FBN2: variants seen among roughly 807,000 people sequenced by gnomAD.
FBN2 encodes the protein fibrillin-2.
FBN2 carries 105 observed loss-of-function variants against 355.6 expected under a neutral mutation model. That is an observed-to-expected ratio of 0.30 (90% confidence interval 0.25 to 0.35). The LOEUF is 0.35. FBN2 is among the 10% of genes least tolerant of loss of function. The pLI, the probability that FBN2 is intolerant of heterozygous loss-of-function variation, is 1.00. For synonymous variants in FBN2, 1,350 were observed against 1,301.2 expected (o/e 1.04, Z -0.81); for missense variants, 3,280 against 3,758.7 (o/e 0.87, Z 3.33).
At chr5:128,465,718 T>A (rs1326376134) in intron 5 of FBN2, among the ~76,000 whole-genome samples, 1 of 152,228 alleles carries the variant, frequency 6.6e-6, no homozygotes, top group Non-Finnish European at 1.5e-5. Flanking sequence ...TGTCCAGCTC[T>A]GTTATGGTGA....
At chr5:128,400,737 A>G (rs544851217) in intron 8 of FBN2, among the ~76,000 whole-genome samples, 115 of 152,332 alleles carry the variant, frequency 7.5e-4, no homozygotes, top group African/African-American at 2.7e-3. Flanking sequence ...AAAACATCCT[A>G]TACTTCTAAA....
chr5:128,430,670 C>A (rs530668886), intron 7 of FBN2, among the ~76,000 whole-genome samples: 2 of 151,904 alleles, frequency 1.3e-5, no homozygotes, highest in African/African-American at 2.4e-5. Context: ...ATGGTGAAAC[C>A]CTGTCTCTAC....
intron 23 of FBN2, among the ~76,000 whole-genome samples, chr5:128,349,081 A>G (rs548124794): frequency 1.1e-4 from 16 of 152,350 alleles, no homozygotes; most frequent in African/African-American, 3.8e-4. Flanking sequence ...AGTGTGAAAG[A>G]CTGAACCTGT....
intron 5 of FBN2, among the ~76,000 whole-genome samples, chr5:128,488,638 C>T (rs1016273942): frequency 1.3e-5 from 2 of 151,806 alleles, no homozygotes; most frequent in African/African-American, 2.4e-5. Context: ...TCTCCTAATG[C>T]TATCCCTCCC....
rs28763926 is a variant in FBN2, at chr5:128,278,799, A to G, written c.7181T>C (p.Ile2394Thr). The G allele has an allele frequency of 4.0e-3, 6,491 of 1,613,968 alleles. 17 individuals are homozygous for G. The highest frequency in any genetic ancestry group is 5.2e-3 in the Non-Finnish European group (6,133 of 1,179,966). The change falls in exon 57 of 65, where the codon ATA (isoleucine) becomes ACA (threonine). Residue 2394 changes from isoleucine to threonine, a missense_variant. Physicochemically the swap from Ile to Thr is moderately conservative, Grantham distance 89. Transcript: ENST00000262464. ...GLCFAEVLQTICQMASSSRNL... is the reference protein window; with the variant it reads ...GLCFAEVLQTTCQMASSSRNL... ...GCGACTACTGGATGCCATTTGACAT[A>G]TTGTCTGCAGTACCTCTGCAAAGCA...
At chr5:128,330,873 T>G in intron 32 of FBN2, among the ~76,000 whole-genome samples, 178 bp from the exon 33 acceptor site, 1 of 152,148 alleles carries the variant, frequency 6.6e-6, no homozygotes, top group South Asian at 2.1e-4. Context: ...AGGCTATAAA[T>G]GTGGGCCAAA....
chr5:128,383,196 A>G (rs1459874462), intron 11 of FBN2, among the ~76,000 whole-genome samples: 1 of 152,154 alleles, frequency 6.6e-6, no homozygotes, highest in Non-Finnish European at 1.5e-5. Context: ...AACAGACCCA[A>G]TATATACGAG....
In FBN2 at chr5:128,501,156, C is replaced by T. The variant is rs77798944; in HGVS notation, c.628+18117G>A. On this transcript the variant is annotated intron_variant, in intron 5 of 64. Transcript: ENST00000262464. ...AGCAATGGTGCATCAGGTCCTGTAG[C>T]TGAAATGGGAGCAATCATTCAAATT... Among the ~76,000 whole-genome samples the T allele has an allele frequency of 6.5e-4, 99 of 152,296 alleles. No individual in the cohort carries two copies. In the East Asian group the frequency reaches 0.019, roughly 28 times the overall value.
intron 44 of FBN2, among the ~76,000 whole-genome samples, 186 bp downstream of exon 44, chr5:128,305,325 G>T (rs1295250782): frequency 6.6e-6 from 1 of 151,930 alleles, no homozygotes; most frequent in Non-Finnish European, 1.5e-5. Context: ...TCCAATCCTG[G>T]GGAAATCCAT....
At chr5:128,495,872 C>A (rs1054628180) in intron 5 of FBN2, among the ~76,000 whole-genome samples, 1 of 152,004 alleles carries the variant, frequency 6.6e-6, no homozygotes, top group Non-Finnish European at 1.5e-5. Context: ...ATACTCTGAA[C>A]ATGAAGTGAA....
At chr5:128,456,749 C>T (rs1299340100) in intron 6 of FBN2, among the ~76,000 whole-genome samples, 2 of 152,104 alleles carry the variant, frequency 1.3e-5, no homozygotes, top group African/African-American at 4.8e-5. Context: ...AAAGTGACAA[C>T]AACAGCATCA....
At chr5:128,362,742 G>A (rs1438902691) in intron 18 of FBN2, among the ~76,000 whole-genome samples, 1 of 152,146 alleles carries the variant, frequency 6.6e-6, no homozygotes, top group Non-Finnish European at 1.5e-5. Flanking sequence ...TGGGATTATA[G>A]GCATAAGCTA....
At chr5:128,310,553 A>C (rs1415886219) in intron 39 of FBN2, among the ~76,000 whole-genome samples, 1 of 151,468 alleles carries the variant, frequency 6.6e-6, no homozygotes, top group Non-Finnish European at 1.5e-5. Flanking sequence ...AGCTTCTTTC[A>C]AATTAGTAAC....
At position 128,393,289 on chromosome 5, in the gene FBN2, A is replaced by T; in HGVS notation, c.1311T>A (p.Thr437=). The stretch of plus-strand genomic sequence containing the variant: ...CACTTGGGGCAAAGCCATTTCCCCC[A>T]GTGCCTCCAGGTCTGGAACCAGCAC... ...PGSAGSRPGG[T]GGNGFAPSGN... Residue 437 remains threonine, a synonymous_variant, in exon 10 of 65, where the codon ACT becomes ACA. Coordinates refer to ENST00000262464, the MANE Select transcript of FBN2 (RefSeq NM_001999.4). The T allele has an allele frequency of 6.2e-7, 1 of 1,614,186 alleles. No homozygotes were observed. The highest frequency in any genetic ancestry group is 1.1e-5 in the South Asian group (1 of 91,078).
In FBN2 at chr5:128,338,850, C is replaced by G. The variant is rs1750914514; in HGVS notation, c.3472+83G>C. 14 of 1,461,016 alleles carry G rather than the reference C, an allele frequency of 9.6e-6. No homozygotes were observed. The South Asian group carries it at 1.6e-4, about 17-fold the overall frequency. 90.5% of individuals were successfully genotyped at this position (1,461,016 alleles called of 1,614,324 possible). On this transcript the variant is annotated intron_variant, in intron 26 of 64. Transcript: ENST00000262464. Reference sequence around the variant, plus strand: ...CTGGCCACACATGCCGTTCACAGCCCAGAGATAAGCAAAGGTCATGCGCAC... The same window carrying G: ...CTGGCCACACATGCCGTTCACAGCCGAGAGATAAGCAAAGGTCATGCGCAC...
In FBN2 at chr5:128,328,748, G is replaced by A. The variant is rs1750619535; in HGVS notation, c.4419C>T (p.Arg1473=). ...GQCLNVPGAY[R]CECEMGFTPA... is the part of the protein sequence containing the mutation. ...GAGTGAAGCCCATCTCACACTCGCA[G>A]CGATATGCACCCGGGACATTAAGGC... Residue 1473 remains arginine (R), a synonymous_variant, in exon 34 of 65, where the codon CGC becomes CGT. Coordinates refer to ENST00000262464, the MANE Select transcript of FBN2 (RefSeq NM_001999.4). 1 of 1,614,014 alleles carries A rather than the reference G, an allele frequency of 6.2e-7. No individual in the cohort carries two copies. The highest frequency in any genetic ancestry group is 8.5e-7 in the Non-Finnish European group (1 of 1,180,004).
In FBN2 at chr5:128,438,116, G is replaced by A. The variant is rs564176657; in HGVS notation, c.952+8365C>T. 1.4e-4 allele frequency among the ~76,000 whole-genome samples: 21 copies of A among 152,176 alleles called. 1 individual carries two copies. The highest frequency in any genetic ancestry group is 9.7e-4 in the East Asian group (5 of 5,166). ...GGTGATCCTAATGCCTCAAGCCTCCGGAGTAGCTGGGACCACATGCACATA... is the reference window on the plus strand; with the variant it reads ...GGTGATCCTAATGCCTCAAGCCTCCAGAGTAGCTGGGACCACATGCACATA... On this transcript the variant is annotated intron_variant, in intron 7 of 64. Coordinates refer to ENST00000262464, the MANE Select transcript of FBN2 (RefSeq NM_001999.4).
intron 5 of FBN2, among the ~76,000 whole-genome samples, chr5:128,493,551 T>C (rs1345939859): frequency 6.6e-6 from 1 of 152,168 alleles, no homozygotes; most frequent in East Asian, 1.9e-4. Context: ...TAATGGGGTA[T>C]AATCCTTCAT....
intron 27 of FBN2, 98 bp downstream of exon 27, chr5:128,337,899 G>C: frequency 2.2e-6 from 3 of 1,339,848 alleles, no homozygotes; most frequent in Non-Finnish European, 3.2e-6. Flanking sequence ...TAATAAGCTA[G>C]ATTTCATGTG....
Sources: allele counts gnomAD v4.1 joint callset (sites outside exome capture counted in the v4.1 genomes callset), GRCh38; gene constraint gnomAD v4.1.1; transcripts MANE v1.5; gene names NCBI Gene and HGNC (gene_info 2026-07-23, HGNC 2026-07-21).